SCRG1: variants seen among roughly 807,000 people sequenced by gnomAD.
SCRG1 encodes the protein stimulator of chondrogenesis 1.
SCRG1 carries 3 observed loss-of-function variants against 7.7 expected under a neutral mutation model. The ratio of observed to expected loss-of-function variants is 0.39; its 90% CI spans 0.18 to 1.01. The LOEUF (loss-of-function observed/expected upper bound fraction) is 1.01, where lower values mean the gene tolerates loss of function less well. Ranked by LOEUF, SCRG1 falls within the 50% of genes least tolerant of loss-of-function variation. SCRG1 has a pLI of 0.36. For missense variants in SCRG1, 110 were observed against 117.2 expected (o/e 0.94, Z 0.28); for synonymous variants, 46 against 41.2 (o/e 1.12, Z -0.44).
chr4:173,389,180 T>C (rs1377131213), intron 2 of SCRG1, among the ~76,000 whole-genome samples: 11 of 152,210 alleles, frequency 7.2e-5, no homozygotes, highest in Non-Finnish European at 2.9e-5. Context: ...CATTGTTTAG[T>C]ACAGTGATTC....
chr4:173,495,877 C>G, the SCRG1 span, among the ~76,000 whole-genome samples: 1 of 152,196 alleles, frequency 6.6e-6, no homozygotes, highest in African/African-American at 2.4e-5. Flanking sequence ...AGAAATTACT[C>G]TTCCTGAAGG....
intron 2 of SCRG1, among the ~76,000 whole-genome samples, chr4:173,388,776 A>G (rs1368152301): frequency 6.6e-6 from 1 of 152,200 alleles, no homozygotes; most frequent in African/African-American, 2.4e-5. Flanking sequence ...ATAAATTTCT[A>G]GGTTTTATGG....
the SCRG1 span, among the ~76,000 whole-genome samples, chr4:173,448,826 AT>A: frequency 6.6e-6 from 1 of 152,322 alleles, no homozygotes; most frequent in Middle Eastern, 3.4e-3. Flanking sequence ...GGCAGATAGT[AT>A]TAAACCATTG....
the SCRG1 span, among the ~76,000 whole-genome samples, chr4:173,435,103 A>C: frequency 6.8e-6 from 1 of 147,280 alleles, no homozygotes; most frequent in East Asian, 2.0e-4. Flanking sequence ...TTTAATTATA[A>C]ATGCATATAT....
At chr4:173,489,497 T>G in the SCRG1 span, among the ~76,000 whole-genome samples, 1 of 146,900 alleles carries the variant, frequency 6.8e-6, no homozygotes, top group South Asian at 2.2e-4. Context: ...AAAAAACATA[T>G]GCTGCGTTTC....
chr4:173,482,907 TA>T, the SCRG1 span, among the ~76,000 whole-genome samples: 1 of 138,934 alleles, frequency 7.2e-6, no homozygotes, highest in Admixed American at 8.0e-5. Context: ...TAATATATAT[TA>T]AATATATAAT....
chr4:173,488,852 TG>T, the SCRG1 span, among the ~76,000 whole-genome samples: 2 of 152,312 alleles, frequency 1.3e-5, no homozygotes, highest in African/African-American at 4.8e-5. Context: ...AAGCTAGCCT[TG>T]GTCCTTACTC....
At chr4:173,472,413 G>T in the SCRG1 span, among the ~76,000 whole-genome samples, 2 of 152,200 alleles carry the variant, frequency 1.3e-5, no homozygotes, top group African/African-American at 4.8e-5. Context: ...AGTATAGGAA[G>T]GGATTTATCA....
At chr4:173,487,138 G>C in the SCRG1 span, among the ~76,000 whole-genome samples, 1 of 152,062 alleles carries the variant, frequency 6.6e-6, no homozygotes. Context: ...TTTAAATTCT[G>C]GGACTATTCT....
chr4:173,476,239 A>G, the SCRG1 span, among the ~76,000 whole-genome samples: 2 of 151,256 alleles, frequency 1.3e-5, no homozygotes, highest in African/African-American at 4.8e-5. Flanking sequence ...AGAGGCAGAT[A>G]GTGTGGGCTC....
At chr4:173,483,935 T>G in the SCRG1 span, among the ~76,000 whole-genome samples, 3 of 69,926 alleles carry the variant, frequency 4.3e-5, no homozygotes, top group Non-Finnish European at 7.2e-5. Flanking sequence ...ATTTCATATA[T>G]AATATAAATC....
the SCRG1 span, among the ~76,000 whole-genome samples, chr4:173,479,630 G>A: frequency 1.3e-5 from 2 of 151,252 alleles, no homozygotes; most frequent in African/African-American, 2.4e-5. Flanking sequence ...TAGTAGAGAC[G>A]GGGTTTCACC....
At chr4:173,429,654 A>G in the SCRG1 span, among the ~76,000 whole-genome samples, 3 of 152,184 alleles carry the variant, frequency 2.0e-5, no homozygotes, top group East Asian at 5.8e-4. Context: ...TGCTCTCTCC[A>G]TATGGATTGT....
chr4:173,398,486 G>T (rs538617524), intron 1 of SCRG1: 11 of 152,284 alleles, frequency 7.2e-5, no homozygotes, highest in African/African-American at 2.6e-4. Flanking sequence ...AAGTCTCAGA[G>T]GGAAAAAGTG....
At chr4:173,506,434 T>G in the SCRG1 span, among the ~76,000 whole-genome samples, 1 of 152,120 alleles carries the variant, frequency 6.6e-6, no homozygotes, top group Non-Finnish European at 1.5e-5. This position sits in a 1 kb window ranked among gnomAD's most constrained non-coding sequence, Gnocchi z 5.3. Flanking sequence ...GCCTGGAACT[T>G]GTTTGGGTGC....
At chr4:173,432,127 T>C in the SCRG1 span, among the ~76,000 whole-genome samples, 2 of 152,214 alleles carry the variant, frequency 1.3e-5, no homozygotes, top group African/African-American at 2.4e-5. Flanking sequence ...TGAAGCATTC[T>C]AGTTGAGTAG....
chr4:173,495,067 T>C, the SCRG1 span, among the ~76,000 whole-genome samples: 5 of 152,102 alleles, frequency 3.3e-5, no homozygotes, highest in Non-Finnish European at 5.9e-5. Context: ...ACATGAAAAA[T>C]AGGGAAAACA....
At chr4:173,503,893 G>T in the SCRG1 span, among the ~76,000 whole-genome samples, 1 of 152,230 alleles carries the variant, frequency 6.6e-6, no homozygotes, top group African/African-American at 2.4e-5. The surrounding 1 kb of genome is among the most constrained non-coding windows in gnomAD (Gnocchi z 6.4). Context: ...TAAACCTCCT[G>T]CAGGGGAAGA....
At chr4:173,440,881 C>T in the SCRG1 span, among the ~76,000 whole-genome samples, 1 of 152,170 alleles carries the variant, frequency 6.6e-6, no homozygotes, top group Admixed American at 6.6e-5. Flanking sequence ...CTTCATATGG[C>T]TTTCTCTTCT....
Sources: allele counts gnomAD v4.1 joint callset (sites outside exome capture counted in the v4.1 genomes callset), GRCh38; gene constraint gnomAD v4.1.1; non-coding constraint Gnocchi (gnomAD v3.1); transcripts MANE v1.5; gene names NCBI Gene and HGNC (gene_info 2026-07-23, HGNC 2026-07-21).